RMDN1: variants seen among roughly 807,000 people sequenced by gnomAD.
RMDN1 encodes the protein regulator of microtubule dynamics 1.
RMDN1 carries 48 observed loss-of-function variants against 48.9 expected under a neutral mutation model. That is an observed-to-expected ratio of 0.98 (90% CI 0.78 to 1.25). The LOEUF is 1.25. RMDN1 is among the 50% of genes most tolerant of loss of function. The pLI is 0.00. For missense variants in RMDN1, 418 were observed against 373.4 expected, an observed-to-expected ratio of 1.12 and a Z score of -0.98; for synonymous variants, 148 against 132.6, an observed-to-expected ratio of 1.12 and a Z score of -0.80.
intron 6 of RMDN1, among the ~76,000 whole-genome samples, chr8:86,479,636 G>A (rs1372686191): frequency 1.3e-5 from 2 of 152,108 alleles, no homozygotes; most frequent in African/African-American, 2.4e-5. Flanking sequence ...CTCAGTGAAT[G>A]AGTGTTAGCT....
chr8:86,506,425 T>C (rs550735020), intron 2 of RMDN1, among the ~76,000 whole-genome samples: 1 of 152,176 alleles, frequency 6.6e-6, no homozygotes, highest in Admixed American at 6.5e-5. Flanking sequence ...TGTGGTCCTA[T>C]GCCAAGTGCC....
intron 6 of RMDN1, among the ~76,000 whole-genome samples, chr8:86,479,613 A>G (rs1302695984): frequency 1.3e-5 from 2 of 152,138 alleles, no homozygotes; most frequent in East Asian, 1.9e-4. Flanking sequence ...CTGCCCCTCA[A>G]TTATCATTAA....
chr8:86,485,302 G>A (rs1175491660), intron 4 of RMDN1, among the ~76,000 whole-genome samples: 1 of 152,152 alleles, frequency 6.6e-6, no homozygotes, highest in Admixed American at 6.5e-5. Flanking sequence ...GCATGTGCCT[G>A]TAATCCCAGC....
chr8:86,486,746 C>CTAG, intron 3 of RMDN1, 103 bp from the exon 4 acceptor site: 2 of 792,518 alleles, frequency 2.5e-6, no homozygotes, highest in Non-Finnish European at 3.6e-6. Flanking sequence ...GCTTAGGAAG[C>CTAG]TAGCAACATG....
chr8:86,504,170 T>C, intron 2 of RMDN1: 6 of 1,450,542 alleles, frequency 4.1e-6, no homozygotes, highest in Non-Finnish European at 5.8e-6. Flanking sequence ...CTTCCTGCTA[T>C]CCTACAAAGT....
intron 3 of RMDN1, among the ~76,000 whole-genome samples, chr8:86,487,527 G>A (rs1029296179): frequency 6.6e-6 from 1 of 152,132 alleles, no homozygotes; most frequent in Non-Finnish European, 1.5e-5. Context: ...GGTAGAGGTT[G>A]CAGTGAGCCA....
chr8:86,469,564 G>A (rs1234574885), downstream of RMDN1, among the ~76,000 whole-genome samples: 2 of 152,164 alleles, frequency 1.3e-5, no homozygotes, highest in Non-Finnish European at 2.9e-5. Flanking sequence ...TGAGCTGTGT[G>A]GTTCCTGTCC....
rs1812936637 is a variant in RMDN1, at chr8:86,473,964, C to G, written c.*344G>C. On this transcript the variant is annotated 3_prime_UTR_variant, in exon 10 of 10. Coordinates refer to ENST00000406452, the MANE Select transcript of RMDN1 (RefSeq NM_016033.3). The stretch of plus-strand genomic sequence containing the variant: ...TTTGAAAATCCATCCCCCTGTATAT[C>G]CCCTATAGATCCATTTCCCCTCCTC... 3 of 1,038,704 alleles carry G rather than the reference C, an allele frequency of 2.9e-6. No individual in the cohort carries two copies. Among genetic ancestry groups the G allele is most frequent in the Non-Finnish European group, 3.5e-6 (3 of 863,980 alleles). The allele number at this position is 1,038,704 out of a possible 1,614,324, so 64.3% of individuals were successfully genotyped here. A position where few individuals can be genotyped will look rare whatever the true frequency, so the allele number is the denominator to read the frequency against.
At chr8:86,505,116 C>G in intron 2 of RMDN1, 1 of 1,347,614 alleles carries the variant, frequency 7.4e-7, no homozygotes, top group Non-Finnish European at 9.8e-7. Context: ...CCACCTCTCC[C>G]TGAATGAGAG....
chr8:86,468,315 C>T (rs1282037693), downstream of RMDN1: 10 of 428,900 alleles, frequency 2.3e-5, no homozygotes, highest in African/African-American at 2.1e-4. Flanking sequence ...AGTGTGTTCT[C>T]CATTTTATTC....
At chr8:86,481,958 C>A in intron 5 of RMDN1, 1 of 861,056 alleles carries the variant, frequency 1.2e-6, no homozygotes, top group South Asian at 1.5e-5. Flanking sequence ...TGTCATCTTG[C>A]TGCAAGCAGA....
At chr8:86,506,277 A>C (rs748945827) in intron 2 of RMDN1, among the ~76,000 whole-genome samples, 8 of 152,236 alleles carry the variant, frequency 5.3e-5, no homozygotes, top group Non-Finnish European at 1.0e-4. Context: ...CTTTAAAGGA[A>C]TTCCCCAAAG....
chr8:86,513,880 T>G (rs907522395), intron 1 of RMDN1, among the ~76,000 whole-genome samples: 2 of 151,340 alleles, frequency 1.3e-5, no homozygotes, highest in African/African-American at 4.9e-5. Context: ...TAAGACAGGG[T>G]CTGTTTGTCA....
At chr8:86,483,234 T>C (rs553842473) in intron 5 of RMDN1, among the ~76,000 whole-genome samples, 3 of 152,332 alleles carry the variant, frequency 2.0e-5, no homozygotes, top group East Asian at 1.9e-4. Context: ...ACATGTACAT[T>C]TGAAAGCTTA....
At chr8:86,481,238 T>A (rs1814353477) in intron 5 of RMDN1, among the ~76,000 whole-genome samples, 1 of 152,206 alleles carries the variant, frequency 6.6e-6, no homozygotes, top group South Asian at 2.1e-4. Context: ...CTTAATGACC[T>A]TGAACTGGTT....
intron 8 of RMDN1, among the ~76,000 whole-genome samples, chr8:86,476,718 A>C (rs1813434300): frequency 6.6e-6 from 1 of 152,124 alleles, no homozygotes; most frequent in Non-Finnish European, 1.5e-5. Flanking sequence ...TTTTTTTCAG[A>C]CAAGTCTCAC....
chr8:86,477,419 T>C, intron 7 of RMDN1, 95 bp from the exon 8 acceptor site: 1 of 967,930 alleles, frequency 1.0e-6, no homozygotes, highest in Admixed American at 2.8e-5. Flanking sequence ...CTATATTATA[T>C]TTAAGTCAGG....
At chr8:86,490,195 A>G (rs1335743960) in intron 2 of RMDN1, among the ~76,000 whole-genome samples, 2 of 152,100 alleles carry the variant, frequency 1.3e-5, no homozygotes, top group African/African-American at 2.4e-5. Flanking sequence ...TCTTTAGTTG[A>G]TATTTATGGT....
chr8:86,504,097 C>A, intron 2 of RMDN1: 1 of 1,042,694 alleles, frequency 9.6e-7, no homozygotes, highest in Non-Finnish European at 1.5e-6. Flanking sequence ...GATCTTTGGT[C>A]TGGAATTCAA....
Sources: gnomAD v4.1 joint callset for allele counts (sites outside exome capture counted in the v4.1 genomes callset) on GRCh38, gnomAD v4.1.1 for gene constraint, MANE v1.5 for transcripts, NCBI Gene and HGNC (gene_info 2026-07-23, HGNC 2026-07-21) for gene names.